The following PHLPP1 variants were observed in gnomAD, a reference collection of about 807,000 sequenced individuals.
The protein encoded by PHLPP1 is PH domain leucine-rich repeat-containing protein phosphatase 1.
A neutral mutation model predicts 117.2 loss-of-function variants in PHLPP1; 42 were observed. The ratio of observed to expected loss-of-function variants is 0.36; its 90% CI spans 0.28 to 0.46. The LOEUF is 0.46. Among genes scored for constraint, PHLPP1 ranks in the 20% least tolerant of loss-of-function variants. PHLPP1 has a pLI of 1.00. For missense variants in PHLPP1, 2,084 were observed against 2,241.9 expected, an observed-to-expected ratio of 0.93 and a Z score of 1.42; for synonymous variants, 1,042 against 970.7, an observed-to-expected ratio of 1.07 and a Z score of -1.37.
chr18:62,963,490 T>A lies in PHLPP1; in HGVS notation c.3560+18T>A. On this transcript the variant is annotated intron_variant, in intron 14 of 16. Coordinates refer to ENST00000262719, the MANE Select transcript of PHLPP1 (RefSeq NM_194449.4). ...AAAAACAAGTAAGTCAGATGAAACT[T>A]TAGAGGAAGAAGTGCCTCCTGCCTG... 1 of 1,531,940 alleles carries A rather than the reference T, an allele frequency of 6.5e-7. No homozygotes were observed. The highest frequency in any genetic ancestry group is 2.3e-5 in the East Asian group (1 of 44,162). The allele number at this position is 1,531,940 out of a possible 1,614,324, so 94.9% of individuals were successfully genotyped here. A position where few individuals can be genotyped will look rare whatever the true frequency, so the allele number is the denominator to read the frequency against.
intron 12 of PHLPP1, among the ~76,000 whole-genome samples, chr18:62,949,026 A>C (rs1910377408): frequency 6.6e-6 from 1 of 152,176 alleles, no homozygotes; most frequent in Non-Finnish European, 1.5e-5. Flanking sequence ...TTTCATTTCT[A>C]CGGTGATATA....
chr18:62,766,089 A>ATC (rs1320735401), intron 1 of PHLPP1, among the ~76,000 whole-genome samples: 2 of 75,310 alleles, frequency 2.7e-5, no homozygotes, highest in African/African-American at 4.1e-5. Flanking sequence ...ATATATATAT[A>ATC]TATATATATA....
chr18:62,783,149 TTAA>T (rs1568115927), intron 1 of PHLPP1, among the ~76,000 whole-genome samples: 2 of 146,712 alleles, frequency 1.4e-5, no homozygotes, highest in African/African-American at 5.0e-5. Context: ...TTTCAGAGTT[TTAA>T]AAAAAAAAAA....
intron 14 of PHLPP1, among the ~76,000 whole-genome samples, chr18:62,969,474 TA>T (rs534498746): frequency 6.5e-4 from 97 of 150,302 alleles, no homozygotes; most frequent in African/African-American, 1.9e-3. Flanking sequence ...TGTGTGCATT[TA>T]AAAAAAAAAA....
intron 4 of PHLPP1, among the ~76,000 whole-genome samples, chr18:62,873,003 A>G (rs932486293): frequency 5.2e-4 from 42 of 80,128 alleles, no homozygotes; most frequent in Middle Eastern, 7.8e-3. Flanking sequence ...AAAAAAAAAA[A>G]AAAAGAAAAG....
At chr18:62,895,214 T>G in intron 5 of PHLPP1, 57 bp downstream of exon 5, 2 of 1,555,342 alleles carry the variant, frequency 1.3e-6, no homozygotes, top group Non-Finnish European at 1.8e-6. Context: ...GAAGCTGCAT[T>G]GGGGGTGTGG....
chr18:62,882,022 T>C (rs143772016), intron 4 of PHLPP1, among the ~76,000 whole-genome samples: 108 of 152,330 alleles, frequency 7.1e-4, no homozygotes, highest in African/African-American at 2.4e-3. Context: ...GTTCCTTCCT[T>C]TCCTCATCCA....
At chr18:62,936,793 T>C (rs1430211048) in intron 10 of PHLPP1, among the ~76,000 whole-genome samples, 1 of 152,336 alleles carries the variant, frequency 6.6e-6, no homozygotes, top group Middle Eastern at 3.4e-3. Flanking sequence ...TAAGACTGAT[T>C]GGAGAAGAAA....
chr18:62,853,884 A>G (rs1048441707), intron 3 of PHLPP1, among the ~76,000 whole-genome samples: 3 of 152,226 alleles, frequency 2.0e-5, no homozygotes, highest in African/African-American at 7.2e-5. Flanking sequence ...CTGTGGAGAT[A>G]CTTGGTCTAC....
At chr18:62,873,259 A>G (rs1915954960) in intron 4 of PHLPP1, among the ~76,000 whole-genome samples, 1 of 152,148 alleles carries the variant, frequency 6.6e-6, no homozygotes, top group African/African-American at 2.4e-5. Context: ...TGTCCATGGT[A>G]CTTGGAAAGT....
At chr18:62,748,253 T>G (rs1214233385) in intron 1 of PHLPP1, among the ~76,000 whole-genome samples, 2 of 151,410 alleles carry the variant, frequency 1.3e-5, no homozygotes, top group Non-Finnish European at 2.9e-5. Context: ...TTTTGTTTTT[T>G]TTTTTTTTGA....
intron 1 of PHLPP1, among the ~76,000 whole-genome samples, chr18:62,827,189 T>C (rs1914633862): frequency 6.6e-6 from 1 of 152,206 alleles, no homozygotes; most frequent in Non-Finnish European, 1.5e-5. Context: ...TCACTCTCTG[T>C]TGTTATGTTT....
intron 1 of PHLPP1, among the ~76,000 whole-genome samples, chr18:62,786,026 A>T (rs1913273604): frequency 6.6e-6 from 1 of 152,150 alleles, no homozygotes; most frequent in Non-Finnish European, 1.5e-5. Context: ...GATTGTCATT[A>T]ATTTCTTGTA....
At position 62,789,136 on chromosome 18, in the gene PHLPP1, G is replaced by A. The variant is rs75767722; in HGVS notation, c.1577-40899G>A. 7.8e-3 allele frequency among the ~76,000 whole-genome samples: 1,182 copies of A among 152,274 alleles called. 20 individuals carry two copies. The highest frequency in any genetic ancestry group is 0.027 in the African/African-American group (1,132 of 41,546). ...CACTGATGTCAGATGAGCACACAGGGGGTGGGGAAGCAAGATGAGCTGAAA... is the reference window on the plus strand; with the variant it reads ...CACTGATGTCAGATGAGCACACAGGAGGTGGGGAAGCAAGATGAGCTGAAA... On this transcript the variant is annotated intron_variant, in intron 1 of 16. Transcript: ENST00000262719.
intron 1 of PHLPP1, among the ~76,000 whole-genome samples, chr18:62,723,912 T>C (rs1341470077): frequency 2.0e-5 from 3 of 152,212 alleles, no homozygotes; most frequent in African/African-American, 7.2e-5. Flanking sequence ...TTCCAACTCG[T>C]AACATTCTGA....
At chr18:62,895,210 G>A in intron 5 of PHLPP1, 53 bp downstream of exon 5, 1 of 1,561,782 alleles carries the variant, frequency 6.4e-7, no homozygotes, top group Admixed American at 1.7e-5. Context: ...CAGGGAAGCT[G>A]CATTGGGGGT....
chr18:62,841,982 A>G (rs1915064730), intron 3 of PHLPP1, among the ~76,000 whole-genome samples: 1 of 152,186 alleles, frequency 6.6e-6, no homozygotes, highest in African/African-American at 2.4e-5. Context: ...ATGTGGCTAT[A>G]TCTAAGTTCC....
At chr18:62,728,423 CT>C (rs1721940460) in intron 1 of PHLPP1, among the ~76,000 whole-genome samples, 1 of 152,140 alleles carries the variant, frequency 6.6e-6, no homozygotes, top group Admixed American at 6.5e-5. Flanking sequence ...TTCAGATTCA[CT>C]GAACTTTTTT....
At chr18:62,763,404 G>A (rs1197565237) in intron 1 of PHLPP1, among the ~76,000 whole-genome samples, 1 of 152,170 alleles carries the variant, frequency 6.6e-6, no homozygotes, top group Admixed American at 6.5e-5. Context: ...TATAGGTTGA[G>A]TAGGCCCTGG....
Sources: allele counts gnomAD v4.1 joint callset (sites outside exome capture counted in the v4.1 genomes callset), GRCh38; gene constraint gnomAD v4.1.1; transcripts MANE v1.5; gene names NCBI Gene and HGNC (gene_info 2026-07-23, HGNC 2026-07-21).